The following EPB41L3 variants were observed in gnomAD, a reference collection of about 807,000 sequenced individuals.
EPB41L3 encodes band 4.1-like protein 3.
In EPB41L3, 57 loss-of-function variants were observed where a neutral mutation model predicts 127.1. That is an observed-to-expected ratio of 0.45 (90% CI 0.36 to 0.56). EPB41L3 has a LOEUF of 0.56. EPB41L3 is among the 20% of genes least tolerant of loss of function. The pLI is 0.00. For synonymous variants in EPB41L3, 572 were observed against 549.5 expected (o/e 1.04, Z -0.57); for missense variants, 1,273 against 1,372.2 (o/e 0.93, Z 1.14).
chr18:5,577,134 GA>G (rs1390008394), intron 3 of EPB41L3, among the ~76,000 whole-genome samples: 2 of 152,212 alleles, frequency 1.3e-5, no homozygotes, highest in African/African-American at 2.4e-5. Flanking sequence ...AGAAAAACTA[GA>G]GAACAATTAG....
chr18:5,531,089 T>C (rs1192688622), intron 1 of EPB41L3, among the ~76,000 whole-genome samples: 1 of 152,216 alleles, frequency 6.6e-6, no homozygotes. Flanking sequence ...ATCTTACAGT[T>C]TGAAAAGTGC....
chr18:5,568,450 T>G (rs1473832162), intron 3 of EPB41L3, among the ~76,000 whole-genome samples: 1 of 123,378 alleles, frequency 8.1e-6, no homozygotes, highest in Non-Finnish European at 1.7e-5. Flanking sequence ...AAAAAAAAAG[T>G]ATGAGAGAAA....
chr18:5,611,722 G>A (rs1190390896), intron 3 of EPB41L3, among the ~76,000 whole-genome samples: 1 of 151,902 alleles, frequency 6.6e-6, no homozygotes, highest in Non-Finnish European at 1.5e-5. Context: ...GAGCCCAGGA[G>A]TTTGAGACCA....
At chr18:5,528,131 A>G (rs915770633) in intron 1 of EPB41L3, among the ~76,000 whole-genome samples, 5 of 152,198 alleles carry the variant, frequency 3.3e-5, no homozygotes, top group African/African-American at 1.2e-4. Flanking sequence ...AGAGGTGCAC[A>G]TGCAGAGAAT....
intron 14 of EPB41L3, among the ~76,000 whole-genome samples, chr18:5,408,256 ATTTTC>A (rs1314057427): frequency 2.1e-5 from 3 of 139,734 alleles, no homozygotes; most frequent in African/African-American, 7.9e-5. Context: ...TGAGACCTTG[ATTTTC>A]TTTTCTTTTT....
chr18:5,602,669 C>T (rs1216642176), intron 3 of EPB41L3, among the ~76,000 whole-genome samples: 1 of 152,182 alleles, frequency 6.6e-6, no homozygotes, highest in Non-Finnish European at 1.5e-5. Context: ...AGGTCTTGAC[C>T]TCATGGCCTC....
chr18:5,583,785 T>C (rs2094417320), intron 3 of EPB41L3, among the ~76,000 whole-genome samples: 1 of 152,188 alleles, frequency 6.6e-6, no homozygotes, highest in African/African-American at 2.4e-5. Context: ...AAGTTAGCCA[T>C]TTAAAGGGAC....
At chr18:5,516,388 A>G (rs1218006053) in intron 1 of EPB41L3, among the ~76,000 whole-genome samples, 1 of 152,200 alleles carries the variant, frequency 6.6e-6, no homozygotes, top group African/African-American at 2.4e-5. Context: ...CAGAAACCAA[A>G]TGGTTAAGGA....
intron 1 of EPB41L3, among the ~76,000 whole-genome samples, chr18:5,510,218 G>A (rs1352738267): frequency 2.0e-5 from 3 of 152,196 alleles, no homozygotes; most frequent in Non-Finnish European, 4.4e-5. Flanking sequence ...AGTCCAGGGA[G>A]GGACACAGTT....
chr18:5,489,024 G>C lies in EPB41L3; in HGVS notation c.160C>G (p.His54Asp). 1 of 1,588,942 alleles carries C rather than the reference G, an allele frequency of 6.3e-7. No homozygotes were observed. The highest frequency in any genetic ancestry group is 8.5e-7 in the Non-Finnish European group (1 of 1,175,266). ...ALEQFAAAAA[H>D]STPVRREVTD... Reference sequence around the variant, plus strand: ...ACCTCCCTCCGCACCGGGGTGCTGTGCGCTGCAGCGGCGGCGAACTGCTCC... The same window carrying C: ...ACCTCCCTCCGCACCGGGGTGCTGTCCGCTGCAGCGGCGGCGAACTGCTCC... The change falls in exon 2 of 23, where the codon CAC becomes GAC. Residue 54 changes from histidine to aspartate, a missense_variant. Physicochemically the swap from His to Asp is moderately conservative, Grantham distance 81. Transcript: ENST00000341928.
chr18:5,488,953 G>A (rs771580411), intron 2 of EPB41L3, 48 bp downstream of exon 2: 2 of 1,525,996 alleles, frequency 1.3e-6, no homozygotes, highest in Non-Finnish European at 1.7e-6. Flanking sequence ...GCCGATCCTG[G>A]AGCAGCTCAG....
intron 1 of EPB41L3, among the ~76,000 whole-genome samples, chr18:5,503,979 C>A (rs1327972503): frequency 6.6e-6 from 1 of 152,208 alleles, no homozygotes; most frequent in African/African-American, 2.4e-5. Flanking sequence ...ATATTCTCCA[C>A]CTATATTAGT....
Position 5,478,369 on chromosome 18 carries a change from C to T in EPB41L3, c.253G>A (p.Asp85Asn). Residue 85 changes from aspartate (D) to asparagine (N), a missense_variant, in exon 3 of 23, where the codon GAT becomes AAT. Physicochemically the swap from Asp to Asn is conservative, Grantham distance 23 (BLOSUM62 1). Transcript: ENST00000341928. ...CTAGATGATTTCTGAGAAAGTTTAT[C>T]GTCTTCTAATTGCTGATATTCGAGC... The part of the protein sequence containing the change: ...KQLEYQQLED[D>N]KLSQKSSSSK... The T allele has an allele frequency of 1.2e-6, 2 of 1,614,112 alleles. No homozygotes were observed. The highest frequency in any genetic ancestry group is 8.5e-7 in the Non-Finnish European group (1 of 1,180,002).
upstream of EPB41L3, chr18:5,630,308 G>A: frequency 3.9e-6 from 2 of 507,464 alleles, no homozygotes; most frequent in East Asian, 1.1e-4. Flanking sequence ...CCGCACCCGC[G>A]CCCCTGCCCA....
At chr18:5,411,417 T>C (rs1324982481) in intron 13 of EPB41L3, among the ~76,000 whole-genome samples, 2 of 152,118 alleles carry the variant, frequency 1.3e-5, no homozygotes, top group East Asian at 1.9e-4. Context: ...GAGAGAAACA[T>C]CTACTTAGAA....
At chr18:5,403,923 A>T (rs1448158474) in intron 16 of EPB41L3, among the ~76,000 whole-genome samples, 1 of 152,196 alleles carries the variant, frequency 6.6e-6, no homozygotes, top group Admixed American at 6.5e-5. Flanking sequence ...ACAAACAATT[A>T]AAAAAAGGAT....
intron 1 of EPB41L3, among the ~76,000 whole-genome samples, chr18:5,499,829 G>GTGTGTGTATATATATATATATATATATA (rs563662904): frequency 4.8e-5 from 6 of 124,646 alleles, no homozygotes; most frequent in South Asian, 5.0e-4. Flanking sequence ...CTATGTGTGT[G>GTGTGTGTATATATATATATATATATATA]TATATATATA....
At chr18:5,476,522 C>T (rs1391945032) in intron 3 of EPB41L3, among the ~76,000 whole-genome samples, 1 of 152,170 alleles carries the variant, frequency 6.6e-6, no homozygotes, top group Non-Finnish European at 1.5e-5. Context: ...AAGGCATTAT[C>T]CTCTCTATGT....
At chr18:5,533,004 A>C (rs1598737157) in intron 1 of EPB41L3, among the ~76,000 whole-genome samples, 1 of 152,288 alleles carries the variant, frequency 6.6e-6, no homozygotes, top group East Asian at 1.9e-4. Context: ...TGGGCAAAAA[A>C]AAAGAAATGA....
Sources: gnomAD v4.1 joint callset for allele counts (sites outside exome capture counted in the v4.1 genomes callset) on GRCh38, gnomAD v4.1.1 for gene constraint, MANE v1.5 for transcripts, NCBI Gene and HGNC (gene_info 2026-07-23, HGNC 2026-07-21) for gene names.